GRB10: variants seen among roughly 807,000 people sequenced by gnomAD.
GRB10 encodes the protein growth factor receptor-bound protein 10.
A neutral mutation model predicts 80.9 loss-of-function variants in GRB10; 20 were observed. The ratio of observed to expected loss-of-function variants is 0.25; its 90% CI spans 0.17 to 0.36. The LOEUF (loss-of-function observed/expected upper bound fraction) is 0.36, where lower values mean the gene tolerates loss of function less well. GRB10 is among the 10% of genes least tolerant of loss of function. GRB10 has a pLI of 1.00. For synonymous variants in GRB10, 291 were observed against 291.5 expected, an observed-to-expected ratio of 1.00 and a Z score of 0.02; for missense variants, 548 against 747.7, an observed-to-expected ratio of 0.73 and a Z score of 3.12.
chr7:50,681,646 C>T (rs886765908), intron 5 of GRB10, among the ~76,000 whole-genome samples: 3 of 152,226 alleles, frequency 2.0e-5, no homozygotes, highest in African/African-American at 7.2e-5. Flanking sequence ...CCTCTGTGTG[C>T]ACACGGAGCC....
At chr7:50,707,503 C>T (rs902616529) in intron 4 of GRB10, among the ~76,000 whole-genome samples, 1 of 152,206 alleles carries the variant, frequency 6.6e-6, no homozygotes, top group Non-Finnish European at 1.5e-5. Flanking sequence ...GAACATTTCC[C>T]CTCTTGCTTC....
intron 14 of GRB10, among the ~76,000 whole-genome samples, chr7:50,605,781 G>A (rs956820172): frequency 6.6e-6 from 1 of 152,106 alleles, no homozygotes; most frequent in Admixed American, 6.5e-5. Context: ...CCTCGGGGAC[G>A]TGGGTTCAGG....
At chr7:50,759,654 T>C (rs1299941372) in intron 2 of GRB10, among the ~76,000 whole-genome samples, 4 of 152,216 alleles carry the variant, frequency 2.6e-5, no homozygotes, top group African/African-American at 9.6e-5. Context: ...AATATTTTTA[T>C]CCATGGTTAG....
intron 5 of GRB10, among the ~76,000 whole-genome samples, chr7:50,679,340 G>A (rs1031617052): frequency 6.6e-6 from 1 of 152,222 alleles, no homozygotes; most frequent in Non-Finnish European, 1.5e-5. Flanking sequence ...CAGGCTAGGT[G>A]TGCTGACTAG....
At chr7:50,787,913 C>A (rs1043503961) in intron 1 of GRB10, among the ~76,000 whole-genome samples, 1 of 152,162 alleles carries the variant, frequency 6.6e-6, no homozygotes, top group Admixed American at 6.5e-5. Context: ...GGGGGAGGTG[C>A]CCTCTGGCTC....
At chr7:50,593,569 G>T (rs956651647) in intron 18 of GRB10, among the ~76,000 whole-genome samples, 3 of 152,080 alleles carry the variant, frequency 2.0e-5, no homozygotes, top group Non-Finnish European at 2.9e-5. Context: ...TGGCTATGAG[G>T]GATTAATAAG....
intron 5 of GRB10, among the ~76,000 whole-genome samples, chr7:50,695,028 C>T (rs1260475112): frequency 1.3e-5 from 2 of 152,134 alleles, no homozygotes; most frequent in African/African-American, 4.8e-5. Flanking sequence ...TCTCTCCCTC[C>T]CCGTGCCTGG....
chr7:50,746,816 C>T (rs750243966), intron 3 of GRB10, among the ~76,000 whole-genome samples: 1 of 152,166 alleles, frequency 6.6e-6, no homozygotes, highest in Admixed American at 6.5e-5. Context: ...CCCAGGGCTC[C>T]CCTGGCCTGT....
chr7:50,601,451 A>G (rs1193499488), intron 17 of GRB10, among the ~76,000 whole-genome samples: 1 of 152,240 alleles, frequency 6.6e-6, no homozygotes, highest in Non-Finnish European at 1.5e-5. Flanking sequence ...AGAACCATAG[A>G]GAAGAATTAC....
At chr7:50,732,550 T>C (rs932968245) in intron 3 of GRB10, among the ~76,000 whole-genome samples, 182 bp from the exon 4 acceptor site, 2 of 152,142 alleles carry the variant, frequency 1.3e-5, no homozygotes, top group Admixed American at 6.5e-5. Flanking sequence ...TCCCCAACTA[T>C]GGTGCCCTGA....
intron 3 of GRB10, among the ~76,000 whole-genome samples, chr7:50,749,310 G>A (rs185790215): frequency 1.3e-5 from 2 of 151,724 alleles, no homozygotes; most frequent in African/African-American, 4.8e-5. Context: ...TGTATTTTTA[G>A]TAGAAACAGG....
intron 7 of GRB10, among the ~76,000 whole-genome samples, chr7:50,669,495 G>C (rs978967946): frequency 6.6e-6 from 1 of 152,210 alleles, no homozygotes; most frequent in African/African-American, 2.4e-5. Flanking sequence ...ACCAGGCCCT[G>C]CCTCCAAAAT....
intron 10 of GRB10, 126 bp downstream of exon 10, chr7:50,617,945 A>T: frequency 1.4e-5 from 12 of 837,282 alleles, no homozygotes; most frequent in Non-Finnish European, 1.8e-5. Context: ...CCTCCGGCTT[A>T]AGAGCCAAGG....
chr7:50,634,309 G>A (rs1381635818), intron 7 of GRB10, among the ~76,000 whole-genome samples: 1 of 152,140 alleles, frequency 6.6e-6, no homozygotes, highest in Non-Finnish European at 1.5e-5. Flanking sequence ...AAAAATGAAG[G>A]AGAAATAAAG....
chr7:50,702,456 G>A (rs2715101), intron 5 of GRB10, among the ~76,000 whole-genome samples: 11,237 of 152,248 alleles, frequency 0.074, 1,419 homozygotes, highest in African/African-American at 0.26. Context: ...GCCTGGGTCT[G>A]AGCAAGGCTG....
At chr7:50,648,320 T>C (rs2237450) in intron 7 of GRB10, among the ~76,000 whole-genome samples, 42,056 of 152,036 alleles carry the variant, frequency 0.28, 7,153 homozygotes, top group Non-Finnish European at 0.38. Context: ...AGAACCCCGC[T>C]GGCTTTAGCC....
At chr7:50,629,762 G>C (rs2053663985) in intron 7 of GRB10, among the ~76,000 whole-genome samples, 1 of 152,230 alleles carries the variant, frequency 6.6e-6, no homozygotes, top group Non-Finnish European at 1.5e-5. Flanking sequence ...TCTAGGAGGA[G>C]CATTCTGTAC....
At chr7:50,654,950 G>T (rs779502943) in intron 7 of GRB10, among the ~76,000 whole-genome samples, 54 of 152,026 alleles carry the variant, frequency 3.6e-4, no homozygotes, top group Non-Finnish European at 6.6e-4. Flanking sequence ...TCTGACTCCT[G>T]TCCTTTTAGA....
At chr7:50,681,223 G>T (rs992481071) in intron 5 of GRB10, among the ~76,000 whole-genome samples, 3 of 152,196 alleles carry the variant, frequency 2.0e-5, no homozygotes, top group African/African-American at 4.8e-5. Context: ...CAGCTCATGA[G>T]CTGCCTGGCA....
Sources: allele counts gnomAD v4.1 joint callset (sites outside exome capture counted in the v4.1 genomes callset), GRCh38; gene constraint gnomAD v4.1.1; transcripts MANE v1.5; gene names NCBI Gene and HGNC (gene_info 2026-07-23, HGNC 2026-07-21).